The following ZNF827 variants were observed in gnomAD, a reference collection of about 807,000 sequenced individuals.
The protein encoded by ZNF827 is zinc finger protein 827.
A neutral mutation model predicts 102.4 loss-of-function variants in ZNF827; 13 were observed. The ratio of observed to expected loss-of-function variants is 0.13; its 90% CI spans 0.08 to 0.20. ZNF827 has a LOEUF of 0.20. Among genes scored for constraint, ZNF827 ranks in the 10% least tolerant of loss-of-function variants. ZNF827 has a pLI of 1.00. For missense variants in ZNF827, 1,103 were observed against 1,344.4 expected (o/e 0.82, Z 2.81); for synonymous variants, 523 against 536.2 (o/e 0.98, Z 0.34).
intron 5 of ZNF827, among the ~76,000 whole-genome samples, chr4:145,862,390 A>C (rs1747812954): frequency 6.6e-6 from 1 of 152,312 alleles, no homozygotes; most frequent in African/African-American, 2.4e-5. Context: ...TTTTTACCTT[A>C]TTAAAGTGAT....
At chr4:145,813,555 C>T (rs773935746) in intron 8 of ZNF827, among the ~76,000 whole-genome samples, 9 of 152,038 alleles carry the variant, frequency 5.9e-5, no homozygotes, top group Non-Finnish European at 1.2e-4. Flanking sequence ...GTGTGAGCAC[C>T]GCATTAGGTA....
intron 13 of ZNF827, among the ~76,000 whole-genome samples, chr4:145,764,082 G>A (rs962877400): frequency 2.6e-5 from 4 of 152,134 alleles, no homozygotes; most frequent in African/African-American, 9.7e-5. Flanking sequence ...TGACGAACAT[G>A]TTTTAAAACA....
intron 1 of ZNF827, among the ~76,000 whole-genome samples, chr4:145,931,162 A>T (rs1380774309): frequency 6.6e-6 from 1 of 152,204 alleles, no homozygotes; most frequent in Non-Finnish European, 1.5e-5. Context: ...ATGTCAGCCC[A>T]TCAAGTACTC....
chr4:145,861,410 A>G (rs1747718665), intron 5 of ZNF827, among the ~76,000 whole-genome samples: 1 of 152,146 alleles, frequency 6.6e-6, no homozygotes, highest in African/African-American at 2.4e-5. Flanking sequence ...TGAGTGAAAA[A>G]TTGAGCAGAT....
intron 8 of ZNF827, among the ~76,000 whole-genome samples, chr4:145,796,072 C>G (rs1182924527): frequency 6.6e-6 from 1 of 152,176 alleles, no homozygotes; most frequent in Non-Finnish European, 1.5e-5. Context: ...CACTGTCTAC[C>G]CTACTGAAAC....
At chr4:145,930,822 C>T (rs779687580) in intron 1 of ZNF827, among the ~76,000 whole-genome samples, 2 of 152,098 alleles carry the variant, frequency 1.3e-5, no homozygotes, top group African/African-American at 2.4e-5. Flanking sequence ...TACAGTGCAG[C>T]CTCTCTGTGT....
At chr4:145,771,003 C>T (rs184547521) in intron 11 of ZNF827, 28 of 152,240 alleles carry the variant, frequency 1.8e-4, no homozygotes, top group Admixed American at 1.5e-3. Context: ...ATATAAGCCT[C>T]GAGTTTTAGC....
At chr4:145,833,702 GC>G (rs1469761829) in intron 7 of ZNF827, among the ~76,000 whole-genome samples, 2 of 140,536 alleles carry the variant, frequency 1.4e-5, no homozygotes, top group East Asian at 4.1e-4. Context: ...GTATCTCTGT[GC>G]CCCAATCCCT....
chr4:145,838,070 C>T (rs1178291279), intron 7 of ZNF827, among the ~76,000 whole-genome samples: 1 of 152,108 alleles, frequency 6.6e-6, no homozygotes, highest in African/African-American at 2.4e-5. Context: ...GGCCTCTGAG[C>T]CCAAGCCAAA....
chr4:145,825,254 C>T (rs1743557048), intron 7 of ZNF827, among the ~76,000 whole-genome samples: 1 of 152,184 alleles, frequency 6.6e-6, no homozygotes, highest in Non-Finnish European at 1.5e-5. Flanking sequence ...AAGGCGGCCC[C>T]AGCACTGTGA....
At chr4:145,860,535 G>T (rs1017738121) in intron 5 of ZNF827, among the ~76,000 whole-genome samples, 1 of 152,196 alleles carries the variant, frequency 6.6e-6, no homozygotes, top group African/African-American at 2.4e-5. Flanking sequence ...GATAAAATGT[G>T]ATGGGTCGCA....
Position 145,931,595 on chromosome 4 carries a change from G to C in ZNF827, c.43+6770C>G, listed in dbSNP as rs558433037. Among the ~76,000 whole-genome samples the C allele has an allele frequency of 9.9e-5, 15 of 152,268 alleles. No individual in the cohort carries two copies. The South Asian group carries it at 3.1e-3, about 32-fold the overall frequency. On this transcript the variant is annotated intron_variant, in intron 1 of 14. Coordinates refer to ENST00000508784, the MANE Select transcript of ZNF827 (RefSeq NM_001306215.2). The stretch of plus-strand genomic sequence containing the variant: ...CTGTAGGTCATACTCTGATTATCTT[G>C]TTCTGTGATCAGTCTGATTAAATTA...
intron 7 of ZNF827, among the ~76,000 whole-genome samples, chr4:145,833,708 A>G (rs1183585655): frequency 1.4e-5 from 2 of 139,670 alleles, no homozygotes; most frequent in Non-Finnish European, 3.1e-5. Context: ...CTGTGCCCCA[A>G]TCCCTTATTT....
Position 145,787,187 on chromosome 4 carries a change from G to A in ZNF827, c.2384-7676C>T, listed in dbSNP as rs554553963. Among the ~76,000 whole-genome samples the A allele has an allele frequency of 4.6e-5, 7 of 152,274 alleles. No homozygotes were observed. The South Asian group carries it at 6.2e-4, about 14-fold the overall frequency. ...AATTGAGAAATAGTTTTTGTCGGCC[G>A]GGCGCAGTGGCTCAGGCCTGTAATC... On this transcript the variant is annotated intron_variant, in intron 8 of 14. Coordinates refer to ENST00000508784, the MANE Select transcript of ZNF827 (RefSeq NM_001306215.2).
chr4:145,760,565 G>T lies in ZNF827; in HGVS notation c.*1051C>A. ...GCAGTAGGTCACCTCTCTGAAGATT[G>T]GATAAAGCAGCTTTCAGGTCAATGC... On this transcript the variant is annotated 3_prime_UTR_variant, in exon 15 of 15. Coordinates refer to ENST00000508784, the MANE Select transcript of ZNF827 (RefSeq NM_001306215.2). 5.9e-6 allele frequency: 1 copy of T among 170,192 alleles called. No individual in the cohort carries two copies. The highest frequency in any genetic ancestry group is 1.2e-5 in the Non-Finnish European group (1 of 82,554). 10.5% of individuals were successfully genotyped at this position (170,192 alleles called of 1,614,324 possible). A position where few individuals can be genotyped will look rare whatever the true frequency, so the allele number is the denominator to read the frequency against.
intron 11 of ZNF827, among the ~76,000 whole-genome samples, chr4:145,772,079 T>C (rs556404049): frequency 6.6e-6 from 1 of 152,280 alleles, no homozygotes; most frequent in East Asian, 1.9e-4. Context: ...CCAAGTAACT[T>C]CCACATAGAT....
chr4:145,855,981 G>A (rs527460137), intron 5 of ZNF827, among the ~76,000 whole-genome samples: 3 of 151,838 alleles, frequency 2.0e-5, no homozygotes, highest in South Asian at 2.1e-4. Flanking sequence ...ATCACAAGTC[G>A]ATTGAGACAA....
intron 2 of ZNF827, among the ~76,000 whole-genome samples, chr4:145,900,280 A>C (rs546047568): frequency 6.6e-6 from 1 of 152,236 alleles, no homozygotes; most frequent in Non-Finnish European, 1.5e-5. Flanking sequence ...TCAATCAACT[A>C]AAGTTTATTA....
intron 5 of ZNF827, among the ~76,000 whole-genome samples, chr4:145,859,528 G>A (rs1347699435): frequency 6.6e-6 from 1 of 152,080 alleles, no homozygotes; most frequent in Non-Finnish European, 1.5e-5. Context: ...TGTTCCCTCC[G>A]GGCTCTCACT....
Sources: allele counts gnomAD v4.1 joint callset (sites outside exome capture counted in the v4.1 genomes callset), GRCh38; gene constraint gnomAD v4.1.1; transcripts MANE v1.5; gene names NCBI Gene and HGNC (gene_info 2026-07-23, HGNC 2026-07-21).